TUSC3: variants seen among roughly 807,000 people sequenced by gnomAD.
The protein encoded by TUSC3 is dolichyl-diphosphooligosaccharide--protein glycosyltransferase subunit TUSC3.
TUSC3 carries 45 observed loss-of-function variants against 44.8 expected under a neutral mutation model. That is an observed-to-expected ratio of 1.00 (90% CI 0.79 to 1.29). The LOEUF (loss-of-function observed/expected upper bound fraction) is 1.29, where lower values mean the gene tolerates loss of function less well. Among genes scored for constraint, TUSC3 ranks in the 50% most tolerant of loss-of-function variants. The probability of loss-of-function intolerance (pLI) is 0.00; values close to 1 mark genes in which losing one functional copy is unlikely to be tolerated. For missense variants in TUSC3, 519 were observed against 437.9 expected, an observed-to-expected ratio of 1.19 and a Z score of -1.65; for synonymous variants, 212 against 152.9, an observed-to-expected ratio of 1.39 and a Z score of -2.85.
chr8:15,441,164 T>A (rs925715527), intron 1 of TUSC3, among the ~76,000 whole-genome samples: 1 of 152,218 alleles, frequency 6.6e-6, no homozygotes, highest in African/African-American at 2.4e-5. Context: ...CCCAGCACTT[T>A]GGGAGGCTGA....
At chr8:15,521,652 G>A (rs1801300457) in intron 2 of TUSC3, among the ~76,000 whole-genome samples, 1 of 152,098 alleles carries the variant, frequency 6.6e-6, no homozygotes, top group South Asian at 2.1e-4. Context: ...CTTTAAGAAA[G>A]TTTACGAATT....
intron 5 of TUSC3, 65 bp downstream of exon 5, chr8:15,662,361 A>G: frequency 1.9e-6 from 3 of 1,598,508 alleles, no homozygotes; most frequent in East Asian, 2.2e-5. Flanking sequence ...GTTGTATAAT[A>G]TTAACAAAAT....
chr8:15,773,666 T>G, the TUSC3 span, among the ~76,000 whole-genome samples: 7 of 152,166 alleles, frequency 4.6e-5, no homozygotes, highest in African/African-American at 1.7e-4. Flanking sequence ...GACTCACACT[T>G]TGAAAACTTA....
the TUSC3 span, among the ~76,000 whole-genome samples, chr8:15,814,312 A>G: frequency 3.7e-4 from 57 of 152,312 alleles, no homozygotes; most frequent in South Asian, 5.8e-3. Context: ...GGAGGAAGAC[A>G]TAAGCGCACC....
chr8:15,692,375 G>GTT (rs59838929), intron 6 of TUSC3, among the ~76,000 whole-genome samples: 2,420 of 68,268 alleles, frequency 0.035, 289 homozygotes, highest in African/African-American at 0.063. Context: ...CCCCCCCTTT[G>GTT]TTTTTTTTTT....
intron 1 of TUSC3, among the ~76,000 whole-genome samples, chr8:15,463,876 T>A (rs1306033851): frequency 6.6e-6 from 1 of 152,184 alleles, no homozygotes; most frequent in Non-Finnish European, 1.5e-5. Context: ...ACCATACATA[T>A]AATGTTCTTA....
At chr8:15,821,312 T>C in the TUSC3 span, among the ~76,000 whole-genome samples, 1 of 152,014 alleles carries the variant, frequency 6.6e-6, no homozygotes, top group Non-Finnish European at 1.5e-5. Context: ...GCATTTGAGA[T>C]TATTTTATCT....
At chr8:15,845,743 A>G in the TUSC3 span, among the ~76,000 whole-genome samples, 1 of 151,974 alleles carries the variant, frequency 6.6e-6, no homozygotes, top group African/African-American at 2.4e-5. Flanking sequence ...CAAGCCCTCT[A>G]CTCATTTCCA....
chr8:15,578,931 G>A (rs953175048), intron 1 of TUSC3, among the ~76,000 whole-genome samples: 1 of 152,142 alleles, frequency 6.6e-6, no homozygotes, highest in Non-Finnish European at 1.5e-5. Context: ...ATTCAGCTGT[G>A]AATCCATCTG....
intron 1 of TUSC3, among the ~76,000 whole-genome samples, chr8:15,565,127 T>A (rs565499471): frequency 1.3e-5 from 2 of 151,680 alleles, no homozygotes; most frequent in African/African-American, 4.8e-5. Flanking sequence ...AGTCAAGGTG[T>A]CTGCAGGTTT....
chr8:15,532,812 G>A (rs371888773), intron 2 of TUSC3, among the ~76,000 whole-genome samples: 2 of 152,264 alleles, frequency 1.3e-5, no homozygotes, highest in Non-Finnish European at 2.9e-5. Flanking sequence ...ATGGTTTTTA[G>A]AGACAGTTTC....
At chr8:15,836,417 C>T in the TUSC3 span, among the ~76,000 whole-genome samples, 1 of 149,462 alleles carries the variant, frequency 6.7e-6, no homozygotes, top group South Asian at 2.1e-4. Flanking sequence ...GTGGAGGTTG[C>T]AGTGAGCTGG....
rs17121915 is a variant in TUSC3, at chr8:15,759,141, G to A, written c.*46+1286G>A. 4.6e-5 allele frequency among the ~76,000 whole-genome samples: 7 copies of A among 152,204 alleles called. 1 individual carries two copies. Among genetic ancestry groups the A allele is most frequent in the Middle Eastern group, 3.4e-3 (1 of 294 alleles). The stretch of plus-strand genomic sequence containing the variant: ...GTTACACTACCCACAAGGTCAATGG[G>A]CCGGAATGAAAATTCAACCACTGGC... On this transcript the variant is annotated intron_variant, in intron 10 of 10. Transcript: ENST00000503731.
intron 4 of TUSC3, among the ~76,000 whole-genome samples, chr8:15,660,503 A>G (rs1397887133): frequency 6.6e-6 from 1 of 151,934 alleles, no homozygotes; most frequent in African/African-American, 2.4e-5. Flanking sequence ...TTTTTTCTCT[A>G]TTCTCACAAC....
At position 15,614,935 on chromosome 8, in the gene TUSC3, CAAA is replaced by C. The variant is rs3070906; in HGVS notation, c.139-8130_139-8128del. Among the ~76,000 whole-genome samples, 780 of 133,192 alleles carry C rather than the reference CAAA, an allele frequency of 5.9e-3. 1 individual carries two copies. Among genetic ancestry groups the C allele is most frequent in the African/African-American group, 0.016 (582 of 36,144 alleles). The allele number at this position is 133,192 out of a possible 152,430, so 87.4% of individuals were successfully genotyped here. A position where few individuals can be genotyped will look rare whatever the true frequency, so the allele number is the denominator to read the frequency against. On this transcript the variant is annotated intron_variant, in intron 1 of 10. Transcript: ENST00000503731. ...CTATTCAGGCTGTTATTAAAAAGACCAAAAAAAAAAAAAAAAACCACCCCAAAA... is the reference window on the plus strand; with the variant it reads ...CTATTCAGGCTGTTATTAAAAAGACCAAAAAAAAAAAAAACCACCCCAAAA...
the TUSC3 span, among the ~76,000 whole-genome samples, chr8:15,815,581 G>C: frequency 1.3e-5 from 2 of 152,064 alleles, no homozygotes; most frequent in East Asian, 1.9e-4. Flanking sequence ...AGAGTAATTA[G>C]ACCTGGAAAC....
At chr8:15,847,782 G>A in the TUSC3 span, among the ~76,000 whole-genome samples, 10 of 152,012 alleles carry the variant, frequency 6.6e-5, no homozygotes, top group Admixed American at 6.6e-5. Flanking sequence ...AGTAGCAATG[G>A]GGGCCATCTT....
At chr8:15,496,757 G>A (rs987552300) in intron 2 of TUSC3, among the ~76,000 whole-genome samples, 5 of 152,210 alleles carry the variant, frequency 3.3e-5, no homozygotes, top group East Asian at 1.9e-4. Context: ...GAGCTGGGTC[G>A]TTTTAGCACG....
chr8:15,798,553 A>C, the TUSC3 span, among the ~76,000 whole-genome samples: 6,061 of 152,220 alleles, frequency 0.04, 127 homozygotes, highest in African/African-American at 0.061. Flanking sequence ...AAGCGACTTC[A>C]CATTTACCTT....
Sources: gnomAD v4.1 joint callset for allele counts (sites outside exome capture counted in the v4.1 genomes callset) on GRCh38, gnomAD v4.1.1 for gene constraint, MANE v1.5 for transcripts, NCBI Gene and HGNC (gene_info 2026-07-23, HGNC 2026-07-21) for gene names.